NWD2: variants seen among roughly 807,000 people sequenced by gnomAD.
The protein encoded by NWD2 is NACHT and WD repeat domain containing 2.
Under a neutral mutation model 132.7 loss-of-function variants are expected in NWD2, and 37 were observed. The ratio of observed to expected loss-of-function variants is 0.28; its 90% confidence interval spans 0.21 to 0.37. The LOEUF (loss-of-function observed/expected upper bound fraction) is 0.37, where lower values mean the gene tolerates loss of function less well. NWD2 is among the 10% of genes least tolerant of loss of function. The pLI, the probability that NWD2 is intolerant of heterozygous loss-of-function variation, is 1.00. For synonymous variants in NWD2, 705 were observed against 803.0 expected, an observed-to-expected ratio of 0.88 and a Z score of 2.06; for missense variants, 1,592 against 2,122.4, an observed-to-expected ratio of 0.75 and a Z score of 4.91.
At chr4:37,403,559 G>T (rs1416979585) in intron 3 of NWD2, among the ~76,000 whole-genome samples, 1 of 152,150 alleles carries the variant, frequency 6.6e-6, no homozygotes, top group African/African-American at 2.4e-5. Context: ...ACAAAAAGAT[G>T]AGTTTTGCCT....
intron 3 of NWD2, among the ~76,000 whole-genome samples, chr4:37,428,214 G>T (rs967971610): frequency 2.6e-5 from 4 of 152,164 alleles, no homozygotes. Flanking sequence ...GTGAATACTG[G>T]ATAGGCAATA....
At chr4:37,278,562 T>C (rs1718069575) in intron 1 of NWD2, among the ~76,000 whole-genome samples, 1 of 152,192 alleles carries the variant, frequency 6.6e-6, no homozygotes, top group Non-Finnish European at 1.5e-5. Context: ...TGAGGAGATA[T>C]GTAGCTAGAA....
chr4:37,308,039 CTT>C (rs1191584847), intron 1 of NWD2, among the ~76,000 whole-genome samples: 1 of 152,120 alleles, frequency 6.6e-6, no homozygotes, highest in Non-Finnish European at 1.5e-5. Flanking sequence ...TCTGTATTCT[CTT>C]ATATCTTTCT....
At chr4:37,284,047 G>A (rs1291609774) in intron 1 of NWD2, among the ~76,000 whole-genome samples, 2 of 152,108 alleles carry the variant, frequency 1.3e-5, no homozygotes, top group Non-Finnish European at 2.9e-5. Flanking sequence ...AATCAGTATA[G>A]ACCATTTATC....
At chr4:37,391,722 G>A (rs769253369) in intron 3 of NWD2, among the ~76,000 whole-genome samples, 6 of 152,282 alleles carry the variant, frequency 3.9e-5, no homozygotes, top group South Asian at 4.1e-4. Context: ...CATCCTCATC[G>A]TCATCCAGAT....
chr4:37,447,109 C>T lies in NWD2; in HGVS notation c.5121C>T (p.Asp1707=), dbSNP rs1464992303. The T allele has an allele frequency of 6.4e-7, 1 of 1,551,564 alleles. No homozygotes were observed. The highest frequency in any genetic ancestry group is 1.2e-5 in the South Asian group (1 of 84,060). ...GAGACAGCCCCATCACAGTTAGTGACTCTACTGAGTCCAATGAAGCAACAC... is the reference window on the plus strand; with the variant it reads ...GAGACAGCCCCATCACAGTTAGTGATTCTACTGAGTCCAATGAAGCAACAC... ...FARDSPITVS[D]STESNEATPS... is the part of the protein sequence containing the mutation. Residue 1707 remains aspartate (D), a synonymous_variant, in exon 7 of 7, where the codon GAC becomes GAT. Transcript: ENST00000309447.
intron 1 of NWD2, among the ~76,000 whole-genome samples, chr4:37,280,463 C>A (rs576991822): frequency 6.6e-6 from 1 of 152,050 alleles, no homozygotes; most frequent in African/African-American, 2.4e-5. Flanking sequence ...ATGGGCACAG[C>A]TTTGGGACAC....
At chr4:37,359,873 A>C (rs535862853) in intron 3 of NWD2, among the ~76,000 whole-genome samples, 35 of 152,298 alleles carry the variant, frequency 2.3e-4, no homozygotes, top group African/African-American at 7.7e-4. Context: ...TTTGTCCATG[A>C]AGAGATGAAG....
chr4:37,282,895 G>A (rs1024783821), intron 1 of NWD2, among the ~76,000 whole-genome samples: 1 of 152,142 alleles, frequency 6.6e-6, no homozygotes, highest in Non-Finnish European at 1.5e-5. Flanking sequence ...AACAGGTACT[G>A]TTTATAACAC....
chr4:37,446,207 C>A lies in NWD2; in HGVS notation c.4219C>A (p.His1407Asn), dbSNP rs1712629721. ...GAGAATATCTCAGCTGCTGATTACA[C>A]ACAATGACCAGTTTGTGGTCTCGCT... Reference protein sequence around the residue: ...GQRISQLLITHNDQFVVSLCE... With the variant: ...GQRISQLLITNNDQFVVSLCE... Residue 1407 changes from histidine (H) to asparagine (N), a missense_variant, in exon 7 of 7, where the codon CAC (histidine) becomes AAC (asparagine). By Grantham distance (68) the His-to-Asn change is moderately conservative. Transcript: ENST00000309447. This position sits in a 1 kb window ranked among gnomAD's most constrained non-coding sequence, Gnocchi z 6.7. 1 of 1,551,592 alleles carries A rather than the reference C, an allele frequency of 6.4e-7. No individual in the cohort carries two copies. The highest frequency in any genetic ancestry group is 8.7e-7 in the Non-Finnish European group (1 of 1,147,022).
chr4:37,367,717 A>G (rs779840385), intron 3 of NWD2, among the ~76,000 whole-genome samples: 3 of 152,186 alleles, frequency 2.0e-5, no homozygotes, highest in Non-Finnish European at 4.4e-5. Flanking sequence ...AATGTGTAAA[A>G]TACAGTAGAT....
At chr4:37,419,577 G>C (rs112215251) in intron 3 of NWD2, among the ~76,000 whole-genome samples, 23,075 of 152,094 alleles carry the variant, frequency 0.15, 2,223 homozygotes, top group Admixed American at 0.22. Context: ...CCATCAAAAA[G>C]TGGGCAAAGG....
intron 3 of NWD2, among the ~76,000 whole-genome samples, chr4:37,398,781 CTT>C (rs1720850985): frequency 1.3e-5 from 2 of 152,034 alleles, no homozygotes; most frequent in South Asian, 4.1e-4. Flanking sequence ...TTAACAGAAA[CTT>C]ATATTAAAAG....
chr4:37,282,724 C>T (rs1254985355), intron 1 of NWD2, among the ~76,000 whole-genome samples: 1 of 152,058 alleles, frequency 6.6e-6, no homozygotes, highest in Non-Finnish European at 1.5e-5. Flanking sequence ...ACACATTTAC[C>T]GAAGATAGTG....
rs1472871781 is a variant in NWD2 at position 37,444,634 on chromosome 4, C to G, written c.2646C>G (p.Asn882Lys). ...TTTCAGACATTGAGCTGGCTTACAA[C>G]TACTCGCAAGAGAAGGAGCTGAAGT... ...KVLSDIELAY[N>K]YSQEKELKFL... The change falls in exon 7 of 7, where the codon AAC (asparagine) becomes AAG (lysine). Residue 882 changes from asparagine (N) to lysine (K), a missense_variant. Asn to Lys is a moderately conservative substitution (Grantham distance 94). Around this residue, in one of 7 missense-constraint regions of NWD2, gnomAD observed 1,071 missense variants for 1,398.0 expected, o/e 0.77. Coordinates refer to ENST00000309447, the MANE Select transcript of NWD2 (RefSeq NM_001144990.2). The surrounding 1 kb of genome is among the most constrained non-coding windows in gnomAD (Gnocchi z 4.8). 1.9e-6 allele frequency: 3 copies of G among 1,552,208 alleles called. No homozygotes were observed. Among genetic ancestry groups the G allele is most frequent in the Admixed American group, 3.9e-5 (2 of 51,006 alleles).
At chr4:37,268,030 A>G (rs1417164206) in intron 1 of NWD2, among the ~76,000 whole-genome samples, 1 of 151,922 alleles carries the variant, frequency 6.6e-6, no homozygotes, top group Non-Finnish European at 1.5e-5. Context: ...AATCCTCTGT[A>G]CAAAGAAAAT....
Position 37,443,588 on chromosome 4 carries a change from C to T in NWD2, c.1600C>T (p.His534Tyr), listed in dbSNP as rs376203240. Residue 534 changes from histidine to tyrosine, a missense_variant, in exon 7 of 7, where the codon CAC (histidine) becomes TAC (tyrosine). Transcript: ENST00000309447. This position sits in a 1 kb window ranked among gnomAD's most constrained non-coding sequence, Gnocchi z 4.1. ...DARKLWWLPA[H>Y]LPRFVRIVLS... ...CAGGAAGCTTTGGTGGCTCCCAGCT[C>T]ACCTGCCCCGCTTTGTCCGGATAGT... 7.7e-6 allele frequency: 12 copies of T among 1,551,674 alleles called. No individual in the cohort carries two copies. Among genetic ancestry groups the T allele is most frequent in the African/African-American group, 1.4e-5 (1 of 73,046 alleles).
intron 4 of NWD2, 33 bp from the exon 5 acceptor site, chr4:37,433,843 T>C: frequency 6.7e-7 from 1 of 1,486,944 alleles, no homozygotes; most frequent in East Asian, 2.5e-5. Flanking sequence ...TTGATGATTG[T>C]AAGACTAATT....
At chr4:37,279,531 T>C (rs1282151947) in intron 1 of NWD2, among the ~76,000 whole-genome samples, 1 of 152,182 alleles carries the variant, frequency 6.6e-6, no homozygotes, top group African/African-American at 2.4e-5. Context: ...TGAAAAGTAC[T>C]CAAAAGTAGA....
Sources: gnomAD v4.1 joint callset for allele counts (sites outside exome capture counted in the v4.1 genomes callset) on GRCh38, gnomAD v4.1.1 for gene constraint, gnomAD v4.1.1 regional missense constraint, Gnocchi (gnomAD v3.1) non-coding constraint, MANE v1.5 for transcripts, NCBI Gene and HGNC (gene_info 2026-07-23, HGNC 2026-07-21) for gene names.